Variants in AKAP9 observed in about 807,000 individuals in gnomAD.
The protein encoded by AKAP9 is A-kinase anchor protein 9.
AKAP9 carries 311 observed loss-of-function variants against 488.5 expected under a neutral mutation model. The ratio of observed to expected loss-of-function variants is 0.64; its 90% confidence interval spans 0.58 to 0.70. The LOEUF (loss-of-function observed/expected upper bound fraction) is 0.70, where lower values mean the gene tolerates loss of function less well. Among genes scored for constraint, AKAP9 ranks in the 30% least tolerant of loss-of-function variants. The probability of loss-of-function intolerance (pLI) is 0.00; values close to 1 mark genes in which losing one functional copy is unlikely to be tolerated. For missense variants in AKAP9, 4,215 were observed against 4,374.5 expected, an observed-to-expected ratio of 0.96 and a Z score of 1.03; for synonymous variants, 1,462 against 1,483.5, an observed-to-expected ratio of 0.99 and a Z score of 0.33.
chr7:92,026,193 T>C (rs1803078922), intron 14 of AKAP9, among the ~76,000 whole-genome samples: 1 of 152,196 alleles, frequency 6.6e-6, no homozygotes, highest in South Asian at 2.1e-4. Flanking sequence ...GGGTTGCAGA[T>C]AGTAGGAGCT....
chr7:91,993,041 G>A lies in AKAP9; in HGVS notation c.562G>A (p.Glu188Lys). ...LEEMRVTYGT[E>K]GLQQLQEFEA... is the part of the protein sequence containing the mutation. ...AGAAATGAGGGTTACCTATGGGACT[G>A]AAGGACTGCAGCAGGTATGTTTATT... The change falls in exon 5 of 50, where the codon GAA becomes AAA. Residue 188 changes from glutamate (E) to lysine (K), a missense_variant. Transcript: ENST00000356239. 1 of 1,614,050 alleles carries A rather than the reference G, an allele frequency of 6.2e-7. No homozygotes were observed. Among genetic ancestry groups the A allele is most frequent in the Non-Finnish European group, 8.5e-7 (1 of 1,179,950 alleles).
At chr7:91,953,511 A>G (rs572374101) in intron 1 of AKAP9, among the ~76,000 whole-genome samples, 1 of 152,320 alleles carries the variant, frequency 6.6e-6, no homozygotes, top group African/African-American at 2.4e-5. Context: ...TGAGAACAAT[A>G]ATAGTACCTG....
At chr7:92,089,257 TAAG>T (rs933992214) in intron 37 of AKAP9, 125 bp from the exon 38 acceptor site, 2 of 936,604 alleles carry the variant, frequency 2.1e-6, no homozygotes, top group Non-Finnish European at 3.2e-6. Context: ...AAAGGAAAAA[TAAG>T]AAAATTTTTT....
intron 20 of AKAP9, among the ~76,000 whole-genome samples, chr7:92,044,759 A>G (rs1051040193): frequency 2.6e-5 from 4 of 152,194 alleles, no homozygotes; most frequent in African/African-American, 7.2e-5. Flanking sequence ...AATACCGTAC[A>G]TTTTAAAAAA....
chr7:92,002,526 G>A lies in AKAP9; in HGVS notation c.2609G>A (p.Cys870Tyr), dbSNP rs187255726. 90 of 1,610,596 alleles carry A rather than the reference G, an allele frequency of 5.6e-5. No individual in the cohort carries two copies. The East Asian group carries it at 1.5e-3, about 28-fold the overall frequency. ...CAAGAGTTACAAGAGGAGTATGCTTGCCTTCTCAAAGTAAAAGATGATTTA... is the reference window on the plus strand; with the variant it reads ...CAAGAGTTACAAGAGGAGTATGCTTACCTTCTCAAAGTAAAAGATGATTTA... ...NYQELQEEYA[C>Y]LLKVKDDLED... The change falls in exon 8 of 50, where the codon TGC becomes TAC. Residue 870 changes from cysteine (C) to tyrosine (Y), a missense_variant. By Grantham distance (194) the Cys-to-Tyr change is radical. This residue lies in a region of AKAP9 where 2,361 missense variants were observed against 2,430.0 expected (regional missense o/e 0.97). Transcript: ENST00000356239.
chr7:92,098,181 A>G lies in AKAP9; in HGVS notation c.10680A>G (p.Gln3560=), dbSNP rs1816932363. The change falls in exon 43 of 50, where the codon CAA becomes CAG. Residue 3560 remains glutamine, a synonymous_variant. Transcript: ENST00000356239. The stretch of plus-strand genomic sequence containing the variant: ...AAAATATTGATGAAATTATTTTACA[A>G]CTACAGAAATTAACTGGCCAGCAAG... The part of the protein sequence containing the change: ...VQENIDEIIL[Q]LQKLTGQQGE... The G allele has an allele frequency of 1.9e-6, 3 of 1,611,454 alleles. No individual in the cohort carries two copies. Among genetic ancestry groups the G allele is most frequent in the Admixed American group, 1.7e-5 (1 of 59,992 alleles).
At chr7:92,008,845 GC>G (rs1328153763) in intron 8 of AKAP9, among the ~76,000 whole-genome samples, 2 of 151,736 alleles carry the variant, frequency 1.3e-5, no homozygotes, top group African/African-American at 4.8e-5. Context: ...AATTAGCTGG[GC>G]ATGGTAGCGT....
intron 48 of AKAP9, 88 bp downstream of exon 48, chr7:92,107,510 T>C: frequency 7.7e-7 from 1 of 1,293,618 alleles, no homozygotes; most frequent in Non-Finnish European, 1.1e-6. Context: ...TTTGACTTCT[T>C]TGCATTGAGA....
At chr7:92,051,481 G>C (rs574960346) in intron 21 of AKAP9, among the ~76,000 whole-genome samples, 135 of 152,254 alleles carry the variant, frequency 8.9e-4, no homozygotes, top group African/African-American at 3.1e-3. Flanking sequence ...GTTACCTTAA[G>C]AATTAGATAA....
rs758026224 is a variant in AKAP9, at chr7:92,017,121, AT to A, written c.3837+20del. 6.7e-7 allele frequency: 1 copy of A among 1,492,782 alleles called. No individual in the cohort carries two copies. Among genetic ancestry groups the A allele is most frequent in the South Asian group, 1.2e-5 (1 of 84,456 alleles). 92.5% of individuals were successfully genotyped at this position (1,492,782 alleles called of 1,614,324 possible). The stretch of plus-strand genomic sequence containing the variant: ...AAGCAAGGTCTGTGAGATGGAAAAT[AT>A]ATTGTAATATTTGCATTTATTGTAT... On this transcript the variant is annotated intron_variant, in intron 12 of 49. Transcript: ENST00000356239.
chr7:92,028,156 G>GAAGGCC (rs1803619704), intron 14 of AKAP9, among the ~76,000 whole-genome samples: 1 of 151,948 alleles, frequency 6.6e-6, no homozygotes, highest in South Asian at 2.1e-4. Context: ...AAACACTGCG[G>GAAGGCC]AAGGCCGCAG....
chr7:92,077,825 G>T lies in AKAP9; in HGVS notation c.6895G>T (p.Glu2299Ter). The stretch of plus-strand genomic sequence containing the variant: ...AGAGGTAGAAATTGACCAATTAAAT[G>T]AACAAGTTACGAAACTCCAGCAGCA... ...EKEVEIDQLN[E>*]QVTKLQQQLK... Residue 2299 changes from glutamate to a stop codon, truncating the protein, a stop_gained, in exon 30 of 50, where the codon GAA (glutamate) becomes TAA (stop). Transcript: ENST00000356239. LOFTEE classifies it high-confidence loss of function. 1 of 1,613,612 alleles carries T rather than the reference G, an allele frequency of 6.2e-7. No individual in the cohort carries two copies. The highest frequency in any genetic ancestry group is 1.1e-5 in the South Asian group (1 of 91,026).
Position 92,045,475 on chromosome 7 carries a change from G to A in AKAP9, c.5368+262G>A, listed in dbSNP as rs186959759. Among the ~76,000 whole-genome samples the A allele has an allele frequency of 1.5e-3, 227 of 152,142 alleles. 1 individual carries two copies. The highest frequency in any genetic ancestry group is 2.7e-3 in the South Asian group (13 of 4,816). On this transcript the variant is annotated intron_variant, in intron 21 of 49. Coordinates refer to ENST00000356239, the MANE Select transcript of AKAP9 (RefSeq NM_005751.5). ...CAGAATGCTGTTACATTTCTCCACC[G>A]ATAAAAGAAAATTTATATATCAGCA...
At chr7:92,009,292 A>G (rs1166954788) in intron 8 of AKAP9, among the ~76,000 whole-genome samples, 5 of 152,210 alleles carry the variant, frequency 3.3e-5, no homozygotes, top group Non-Finnish European at 1.5e-5. Context: ...AAACCTACGT[A>G]TAGATACCAA....
At chr7:91,983,636 T>C (rs924054248) in intron 3 of AKAP9, among the ~76,000 whole-genome samples, 15 of 152,222 alleles carry the variant, frequency 9.9e-5, no homozygotes, top group Non-Finnish European at 2.1e-4. Flanking sequence ...CTAAAATATC[T>C]ACTAAAAATA....
At chr7:91,960,600 T>C (rs1343697494) in intron 1 of AKAP9, among the ~76,000 whole-genome samples, 1 of 152,220 alleles carries the variant, frequency 6.6e-6, no homozygotes, top group Non-Finnish European at 1.5e-5. Context: ...GCTCTCCTAA[T>C]ACCTTTTTCT....
chr7:92,079,811 C>T lies in AKAP9; in HGVS notation c.7678C>T (p.Gln2560Ter), dbSNP rs1813218560. ...GGCTGCTGCTCTTGTCAGTCAAATC[C>T]AACTTGAGGCAGTTCAGGAATATGC... is the stretch of plus-strand genomic sequence containing the variant. ...KVAAALVSQI[Q>*]LEAVQEYAKF... Residue 2560 changes from glutamine to a stop codon, truncating the protein, a stop_gained, in exon 31 of 50, where the codon CAA becomes TAA. Coordinates refer to ENST00000356239, the MANE Select transcript of AKAP9 (RefSeq NM_005751.5). LOFTEE classifies it high-confidence loss of function. 6.2e-7 allele frequency: 1 copy of T among 1,613,938 alleles called. No individual in the cohort carries two copies. The highest frequency in any genetic ancestry group is 8.5e-7 in the Non-Finnish European group (1 of 1,180,008).
At chr7:92,029,227 TACA>T (rs1803822994) in intron 14 of AKAP9, among the ~76,000 whole-genome samples, 1 of 151,420 alleles carries the variant, frequency 6.6e-6, no homozygotes, top group Non-Finnish European at 1.5e-5. Flanking sequence ...AACTACACAA[TACA>T]GATGTGAATA....
rs556260953 is a variant in AKAP9 at position 92,065,280 on chromosome 7, A to G, written c.6027A>G (p.Gln2009=). 1.1e-5 allele frequency: 18 copies of G among 1,612,964 alleles called. No individual in the cohort carries two copies. The highest frequency in any genetic ancestry group is 1.7e-5 in the Admixed American group (1 of 59,970). Residue 2009 remains glutamine (Q), a synonymous_variant, in exon 25 of 50, where the codon CAA becomes CAG. Transcript: ENST00000356239. The part of the protein sequence containing the change: ...EKLMKEKLEV[Q]CQAEKVRDDL... ...TAATGAAGGAAAAACTAGAAGTACA[A>G]TGTCAAGCTGAAAAAGTACGTGATG...
Sources: gnomAD v4.1 joint callset for allele counts (sites outside exome capture counted in the v4.1 genomes callset) on GRCh38, gnomAD v4.1.1 for gene constraint, gnomAD v4.1.1 regional missense constraint, MANE v1.5 for transcripts, NCBI Gene and HGNC (gene_info 2026-07-23, HGNC 2026-07-21) for gene names.